Variants in SAMD5 observed in about 807,000 individuals in gnomAD.
The protein encoded by SAMD5 is sterile alpha motif domain-containing protein 5.
A neutral mutation model predicts 11.3 loss-of-function variants in SAMD5; 13 were observed. The ratio of observed to expected loss-of-function variants is 1.15; its 90% CI spans 0.75 to 1.83. The LOEUF (loss-of-function observed/expected upper bound fraction) is 1.83, where lower values mean the gene tolerates loss of function less well. Ranked by LOEUF, SAMD5 falls within the 40% of genes most tolerant of loss-of-function variation. SAMD5 has a pLI of 0.00. For synonymous variants in SAMD5, 129 were observed against 111.3 expected, an observed-to-expected ratio of 1.16 and a Z score of -1.00; for missense variants, 255 against 239.1, an observed-to-expected ratio of 1.07 and a Z score of -0.44.
chr6:147,757,952 C>G, the SAMD5 span, among the ~76,000 whole-genome samples: 1 of 152,050 alleles, frequency 6.6e-6, no homozygotes, highest in Non-Finnish European at 1.5e-5. Flanking sequence ...TTTCATTCAA[C>G]TGAATGAAAT....
the SAMD5 span, among the ~76,000 whole-genome samples, chr6:147,826,084 C>T: frequency 1.3e-5 from 2 of 152,292 alleles, no homozygotes; most frequent in East Asian, 1.9e-4. Flanking sequence ...TAGAGGTTTC[C>T]ATGGCAACAT....
At chr6:147,928,048 T>C in the SAMD5 span, among the ~76,000 whole-genome samples, 1 of 152,194 alleles carries the variant, frequency 6.6e-6, no homozygotes, top group Non-Finnish European at 1.5e-5. Context: ...CTTTTTGATG[T>C]GCTGCTGGAT....
chr6:147,732,770 G>T (rs1226794934), intron 1 of SAMD5, among the ~76,000 whole-genome samples: 1 of 152,138 alleles, frequency 6.6e-6, no homozygotes, highest in African/African-American at 2.4e-5. Flanking sequence ...CTTCTCCTGT[G>T]CTTGTAATCA....
At chr6:147,632,578 G>A (rs571324677) in intron 1 of SAMD5, among the ~76,000 whole-genome samples, 96 of 152,248 alleles carry the variant, frequency 6.3e-4, no homozygotes, top group African/African-American at 2.1e-3. Flanking sequence ...GGGAGCCGCC[G>A]CATGCAGACA....
chr6:147,933,888 T>C, the SAMD5 span, among the ~76,000 whole-genome samples: 1 of 152,188 alleles, frequency 6.6e-6, no homozygotes, highest in Non-Finnish European at 1.5e-5. Context: ...GGAAATATTG[T>C]TCAAGTTGCA....
intron 1 of SAMD5, among the ~76,000 whole-genome samples, chr6:147,637,860 GTT>G (rs34779416): frequency 0.079 from 11,251 of 141,864 alleles, 622 homozygotes; most frequent in African/African-American, 0.16. Context: ...AGCAAGTTCG[GTT>G]TTTTTTTTTT....
downstream of SAMD5, chr6:147,741,973 GAAAT>G (rs749331466): frequency 7.9e-5 from 12 of 152,062 alleles, no homozygotes; most frequent in African/African-American, 2.9e-4. Flanking sequence ...GTTTATATAA[GAAAT>G]AAATAAAAAG....
chr6:147,510,030 A>C (rs12189702), intron 1 of SAMD5, among the ~76,000 whole-genome samples: 6,953 of 152,340 alleles, frequency 0.046, 221 homozygotes, highest in Non-Finnish European at 0.073. Context: ...TGCTAAGGAC[A>C]TCAGAGATAA....
At chr6:147,584,746 A>T (rs1465499309) in intron 1 of SAMD5, among the ~76,000 whole-genome samples, 3 of 152,202 alleles carry the variant, frequency 2.0e-5, no homozygotes, top group African/African-American at 7.2e-5. Flanking sequence ...GAGGGTATGT[A>T]TTGTCCTTTA....
At chr6:147,896,507 GTC>G in the SAMD5 span, among the ~76,000 whole-genome samples, 9 of 152,012 alleles carry the variant, frequency 5.9e-5, no homozygotes, top group African/African-American at 2.2e-4. Flanking sequence ...GGGAGCCGGA[GTC>G]TCTGCAGGAT....
chr6:147,654,497 T>C (rs184624676), intron 1 of SAMD5, among the ~76,000 whole-genome samples: 1 of 152,228 alleles, frequency 6.6e-6, no homozygotes, highest in African/African-American at 2.4e-5. Context: ...TCTCCATTGC[T>C]ACATGGCTTA....
At chr6:147,592,592 C>A (rs927251512) in intron 1 of SAMD5, among the ~76,000 whole-genome samples, 1 of 151,888 alleles carries the variant, frequency 6.6e-6, no homozygotes, top group African/African-American at 2.4e-5. Context: ...ACTCTATGCT[C>A]GTAAAAGCCT....
chr6:147,569,874 GT>G lies in SAMD5; in HGVS notation c.*5420del. The G allele has an allele frequency of 1.0e-6, 1 of 985,118 alleles. No individual in the cohort carries two copies. Among genetic ancestry groups the G allele is most frequent in the Non-Finnish European group, 1.2e-6 (1 of 829,740 alleles). The allele number at this position is 985,118 out of a possible 1,614,324, so 61.0% of individuals were successfully genotyped here. ...AATTGACACTTTCTTTTCCCTTTCAGTTATTATTTTTTTTAAAGGACGTTAT... is the reference window on the plus strand; with the variant it reads ...AATTGACACTTTCTTTTCCCTTTCAGTATTATTTTTTTTAAAGGACGTTAT... On this transcript the variant is annotated 3_prime_UTR_variant, in exon 2 of 2. Coordinates refer to ENST00000367474, the MANE Select transcript of SAMD5 (RefSeq NM_001030060.3).
chr6:147,937,813 T>A, the SAMD5 span, among the ~76,000 whole-genome samples: 2 of 152,240 alleles, frequency 1.3e-5, no homozygotes, highest in African/African-American at 2.4e-5. Flanking sequence ...TATATCTTTT[T>A]TTTAAGTTCA....
At chr6:147,730,074 CAAAAA>C (rs34624038) in intron 1 of SAMD5, 111 of 307,598 alleles carry the variant, frequency 3.6e-4, no homozygotes, top group South Asian at 6.0e-4. Context: ...GACTCTGTCT[CAAAAA>C]AAAAAAAAAA....
At chr6:147,561,311 C>G (rs1405115182) in intron 1 of SAMD5, among the ~76,000 whole-genome samples, 2 of 152,166 alleles carry the variant, frequency 1.3e-5, no homozygotes, top group African/African-American at 4.8e-5. Flanking sequence ...CCTCAGCCTC[C>G]TGAGTAGCTG....
chr6:147,936,981 C>T, the SAMD5 span, among the ~76,000 whole-genome samples: 8 of 152,008 alleles, frequency 5.3e-5, no homozygotes, highest in East Asian at 9.7e-4. Context: ...GAGGGGAGGA[C>T]GAGGGCAGGA....
At chr6:147,705,802 A>C (rs978266430) in intron 1 of SAMD5, among the ~76,000 whole-genome samples, 2 of 152,212 alleles carry the variant, frequency 1.3e-5, no homozygotes, top group African/African-American at 4.8e-5. Context: ...GTAATTATTT[A>C]CATATGCATT....
intron 1 of SAMD5, among the ~76,000 whole-genome samples, chr6:147,520,148 C>T (rs978527985): frequency 4.8e-4 from 69 of 143,406 alleles, no homozygotes; most frequent in African/African-American, 1.7e-3. Flanking sequence ...GATAGAGTCT[C>T]GCTCTGTTGC....
Sources: gnomAD v4.1 joint callset for allele counts (sites outside exome capture counted in the v4.1 genomes callset) on GRCh38, gnomAD v4.1.1 for gene constraint, MANE v1.5 for transcripts, NCBI Gene and HGNC (gene_info 2026-07-23, HGNC 2026-07-21) for gene names.